TAS2R1: variants seen among roughly 807,000 people sequenced by gnomAD.
The protein encoded by TAS2R1 is taste receptor type 2 member 1.
For synonymous variants in TAS2R1, 141 were observed against 134.2 expected (o/e 1.05, Z -0.35); for missense variants, 370 against 353.4 (o/e 1.05, Z -0.38).
chr5:9,863,009 C>A, the TAS2R1 span: 1 of 152,234 alleles, frequency 6.6e-6, no homozygotes, highest in African/African-American at 2.4e-5. Flanking sequence ...AGCTCTACCC[C>A]ACCTCTAGCT....
chr5:9,640,000 C>G (rs1740040542), intron 2 of TAS2R1, among the ~76,000 whole-genome samples: 1 of 152,142 alleles, frequency 6.6e-6, no homozygotes, highest in African/African-American at 2.4e-5. Flanking sequence ...AACAGTTTTC[C>G]TTTGCATTCA....
the TAS2R1 span, among the ~76,000 whole-genome samples, chr5:9,733,882 A>G: frequency 6.6e-6 from 1 of 151,990 alleles, no homozygotes; most frequent in Non-Finnish European, 1.5e-5. Context: ...TGAGAAGAGC[A>G]TATTATGAAG....
At chr5:9,790,830 G>T in the TAS2R1 span, among the ~76,000 whole-genome samples, 1,175 of 152,134 alleles carry the variant, frequency 7.7e-3, 12 homozygotes, top group African/African-American at 0.027. Flanking sequence ...TTTTTTAGTG[G>T]GGTTTTGCCA....
the TAS2R1 span, among the ~76,000 whole-genome samples, chr5:9,855,786 T>C: frequency 2.0e-5 from 3 of 152,256 alleles, no homozygotes; most frequent in African/African-American, 7.2e-5. Context: ...TGATGCAAGA[T>C]AAAATCATAA....
chr5:9,801,170 G>A, the TAS2R1 span, among the ~76,000 whole-genome samples: 5 of 152,194 alleles, frequency 3.3e-5, no homozygotes, highest in East Asian at 1.9e-4. Flanking sequence ...CAGCCTGGGC[G>A]ACAAAGTGAG....
chr5:9,699,932 G>T (rs373650995), intron 1 of TAS2R1, among the ~76,000 whole-genome samples: 20 of 152,162 alleles, frequency 1.3e-4, no homozygotes, highest in African/African-American at 4.6e-4. Context: ...TCACAAGTAT[G>T]CATCCCTGAC....
At chr5:9,633,699 G>A (rs575567917), upstream of TAS2R1, among the ~76,000 whole-genome samples, 35 of 152,068 alleles carry the variant, frequency 2.3e-4, no homozygotes, top group African/African-American at 7.7e-4. Flanking sequence ...CTGATAATTA[G>A]TGATGTTGAG....
At chr5:9,658,160 T>A (rs1740453935) in intron 2 of TAS2R1, among the ~76,000 whole-genome samples, 1 of 152,182 alleles carries the variant, frequency 6.6e-6, no homozygotes, top group African/African-American at 2.4e-5. Context: ...AGCTAACACA[T>A]ACAGGGTGCT....
the TAS2R1 span, among the ~76,000 whole-genome samples, chr5:9,864,681 A>G: frequency 0.044 from 6,589 of 150,236 alleles, 359 homozygotes; most frequent in African/African-American, 0.11. Context: ...AGGCTACTTC[A>G]TATGATGATA....
At chr5:9,702,496 T>C (rs1741508734) in intron 1 of TAS2R1, among the ~76,000 whole-genome samples, 1 of 152,080 alleles carries the variant, frequency 6.6e-6, no homozygotes, top group Admixed American at 6.6e-5. Context: ...GGGGAAAATC[T>C]ATGTAGATCC....
chr5:9,721,884 T>G, the TAS2R1 span, among the ~76,000 whole-genome samples: 1 of 152,194 alleles, frequency 6.6e-6, no homozygotes, highest in East Asian at 1.9e-4. Context: ...TAAAACCTAA[T>G]AAGCAATAGT....
At chr5:9,858,023 G>A in the TAS2R1 span, among the ~76,000 whole-genome samples, 1 of 152,082 alleles carries the variant, frequency 6.6e-6, no homozygotes, top group Non-Finnish European at 1.5e-5. Context: ...GGGGCTGTAG[G>A]GGCCATCCCA....
At chr5:9,824,104 T>C in the TAS2R1 span, among the ~76,000 whole-genome samples, 1 of 152,168 alleles carries the variant, frequency 6.6e-6, no homozygotes, top group Non-Finnish European at 1.5e-5. Flanking sequence ...TGCCAAAACA[T>C]GGCACCAGCT....
the TAS2R1 span, among the ~76,000 whole-genome samples, chr5:9,903,150 C>T: frequency 6.6e-6 from 1 of 151,968 alleles, no homozygotes; most frequent in Non-Finnish European, 1.5e-5. Flanking sequence ...TGACTATAGC[C>T]ACCTTGTTCT....
upstream of TAS2R1, among the ~76,000 whole-genome samples, chr5:9,631,269 T>C (rs1739868485): frequency 1.3e-5 from 2 of 152,220 alleles, no homozygotes. Flanking sequence ...AGACAGAGTC[T>C]TGCTTTGTCA....
the TAS2R1 span, among the ~76,000 whole-genome samples, chr5:9,758,295 T>C: frequency 6.6e-6 from 1 of 152,304 alleles, no homozygotes; most frequent in Admixed American, 6.5e-5. Flanking sequence ...ACCAGTCCAA[T>C]GAGGGATTAC....
At chr5:9,878,670 TG>T in the TAS2R1 span, among the ~76,000 whole-genome samples, 1 of 152,300 alleles carries the variant, frequency 6.6e-6, no homozygotes, top group East Asian at 1.9e-4. Context: ...TAATCATGTA[TG>T]GGGAGAGACA....
At chr5:9,686,611 A>C (rs765458397) in intron 1 of TAS2R1, among the ~76,000 whole-genome samples, 3 of 152,178 alleles carry the variant, frequency 2.0e-5, no homozygotes, top group Non-Finnish European at 4.4e-5. Flanking sequence ...GGGGGAAGGG[A>C]GGAGAGGAAG....
chr5:9,796,731 AAAAAAAAAG>A, the TAS2R1 span, among the ~76,000 whole-genome samples: 1 of 149,232 alleles, frequency 6.7e-6, no homozygotes, highest in Non-Finnish European at 1.5e-5. Context: ...GAAAAAAAAA[AAAAAAAAAG>A]AAAAGAAAAA....
Sources: gnomAD v4.1 joint callset for allele counts (sites outside exome capture counted in the v4.1 genomes callset) on GRCh38, gnomAD v4.1.1 for gene constraint, MANE v1.5 for transcripts, NCBI Gene and HGNC (gene_info 2026-07-23, HGNC 2026-07-21) for gene names.